Variants in CDH4 observed in about 807,000 individuals in gnomAD.
The protein encoded by CDH4 is cadherin 4, also known as cadherin-4.
CDH4 carries 33 observed loss-of-function variants against 86.0 expected under a neutral mutation model. That is an observed-to-expected ratio of 0.38 (90% confidence interval 0.29 to 0.51). The LOEUF is 0.51. Ranked by LOEUF, CDH4 falls within the 20% of genes least tolerant of loss-of-function variation. The probability of loss-of-function intolerance (pLI) is 0.86; values close to 1 mark genes in which losing one functional copy is unlikely to be tolerated. For synonymous variants in CDH4, 555 were observed against 549.4 expected (o/e 1.01, Z -0.14); for missense variants, 1,114 against 1,307.4 (o/e 0.85, Z 2.28).
At chr20:61,272,379 T>C (rs1193696233) in intron 2 of CDH4, among the ~76,000 whole-genome samples, 1 of 152,244 alleles carries the variant, frequency 6.6e-6, no homozygotes, top group Non-Finnish European at 1.5e-5. Flanking sequence ...TCTGCTCCTC[T>C]CTGCCAGGCA....
chr20:61,536,750 G>A (rs76131322), intron 2 of CDH4, among the ~76,000 whole-genome samples: 6,486 of 152,312 alleles, frequency 0.043, 187 homozygotes, highest in Middle Eastern at 0.065. Context: ...CGGTTGCCCC[G>A]TCTGGGAGCA....
At position 61,939,996 on chromosome 20, in the gene CDH4, C is replaced by T. The variant is rs1021076584; in HGVS notation, c.*3053C>T. On this transcript the variant is annotated 3_prime_UTR_variant, in exon 16 of 16. Transcript: ENST00000614565. ...CAGTTTCCCTAGCATGAGCACCAGC[C>T]GACACACACAGTCCACTGAGATGAT... 2.0e-5 allele frequency: 3 copies of T among 152,208 alleles called. No individual in the cohort carries two copies. The highest frequency in any genetic ancestry group is 1.9e-4 in the East Asian group (1 of 5,198). The allele number at this position is 152,208 out of a possible 1,614,324, so 9.4% of individuals were successfully genotyped here. A position where few individuals can be genotyped will look rare whatever the true frequency, so the allele number is the denominator to read the frequency against.
chr20:61,746,279 C>G (rs1011653881), intron 3 of CDH4, among the ~76,000 whole-genome samples: 11 of 152,250 alleles, frequency 7.2e-5, no homozygotes, highest in African/African-American at 2.4e-4. Flanking sequence ...GGGCACAGCC[C>G]TGAGTCCCTG....
intron 7 of CDH4, among the ~76,000 whole-genome samples, chr20:61,891,543 T>G (rs1397661161): frequency 1.3e-5 from 2 of 152,172 alleles, no homozygotes; most frequent in Admixed American, 6.5e-5. Context: ...TTCCTGCCCT[T>G]CCGAGAGGCC....
intron 2 of CDH4, among the ~76,000 whole-genome samples, chr20:61,460,428 A>C (rs1245604286): frequency 1.3e-5 from 2 of 152,170 alleles, no homozygotes; most frequent in African/African-American, 2.4e-5. Context: ...TCATTGGAGA[A>C]ACTGGGGAGG....
chr20:61,464,678 G>A (rs533401026), intron 2 of CDH4, among the ~76,000 whole-genome samples: 7 of 152,240 alleles, frequency 4.6e-5, no homozygotes, highest in Admixed American at 2.6e-4. Flanking sequence ...TCTGGGATCC[G>A]GTCCTATTAA....
chr20:61,312,047 A>G (rs1327653670), intron 2 of CDH4, among the ~76,000 whole-genome samples: 2 of 151,872 alleles, frequency 1.3e-5, no homozygotes, highest in Non-Finnish European at 2.9e-5. Flanking sequence ...TGTGTGTGAG[A>G]CTGCATGTAT....
intron 2 of CDH4, among the ~76,000 whole-genome samples, chr20:61,449,952 C>G (rs1437431969): frequency 6.6e-6 from 1 of 152,266 alleles, no homozygotes; most frequent in Non-Finnish European, 1.5e-5. Flanking sequence ...CTCACACACA[C>G]TTTGCTTTTG....
chr20:61,668,985 G>A (rs1205041269), intron 2 of CDH4, among the ~76,000 whole-genome samples: 1 of 152,222 alleles, frequency 6.6e-6, no homozygotes, highest in Non-Finnish European at 1.5e-5. Flanking sequence ...CAGTGGGACA[G>A]GTGTTCCAGG....
intron 2 of CDH4, among the ~76,000 whole-genome samples, chr20:61,645,215 T>G (rs1424202318): frequency 2.0e-5 from 3 of 152,230 alleles, no homozygotes; most frequent in African/African-American, 7.2e-5. Context: ...CCCATCTGCC[T>G]TTTGGAACAG....
At position 61,644,351 on chromosome 20, in the gene CDH4, A is replaced by C. The variant is rs574287640; in HGVS notation, c.170-99212A>C. Among the ~76,000 whole-genome samples the C allele has an allele frequency of 2.0e-5, 3 of 152,336 alleles. No homozygotes were observed. The South Asian group carries it at 6.2e-4, about 32-fold the overall frequency. On this transcript the variant is annotated intron_variant, in intron 2 of 15. Transcript: ENST00000614565. ...AGGGTCAGCACCTCCTCACAGATGC[A>C]CAGGGCTGCGCAGAGCCCTTCGAGG... is the stretch of plus-strand genomic sequence containing the variant.
chr20:61,714,535 T>A (rs1174775718), intron 2 of CDH4, among the ~76,000 whole-genome samples: 1 of 152,168 alleles, frequency 6.6e-6, no homozygotes, highest in Non-Finnish European at 1.5e-5. Context: ...ACCCAATAGG[T>A]AGTTTTTAAT....
chr20:61,371,629 C>T (rs147635790), intron 2 of CDH4, among the ~76,000 whole-genome samples: 19 of 152,216 alleles, frequency 1.2e-4, no homozygotes, highest in African/African-American at 4.1e-4. Context: ...GCCTCTGCTG[C>T]GGGCCCCGAG....
rs3048343 is a variant in CDH4 at position 61,252,442 on chromosome 20, TCGG to T, written c.-49_-47del. ...GGCGATCGGAGCGGCGGCGGTGGTCTCGGCGGCGGCGGCGGCGGCGGCGGCAGG... is the reference window on the plus strand; with the variant it reads ...GGCGATCGGAGCGGCGGCGGTGGTCTCGGCGGCGGCGGCGGCGGCGGCAGG... On this transcript the variant is annotated 5_prime_UTR_variant, in exon 1 of 16. Transcript: ENST00000614565. The surrounding 1 kb of genome is among the most constrained non-coding windows in gnomAD (Gnocchi z 4.4). 0.34 allele frequency: 220,044 copies of T among 642,442 alleles called. 40,223 individuals are homozygous for T. The highest frequency in any genetic ancestry group is 0.57 in the African/African-American group (26,882 of 46,784). The allele number at this position is 642,442 out of a possible 1,614,324, so 39.8% of individuals were successfully genotyped here. A position where few individuals can be genotyped will look rare whatever the true frequency, so the allele number is the denominator to read the frequency against.
chr20:61,790,567 T>C (rs1600991050), intron 4 of CDH4, among the ~76,000 whole-genome samples: 1 of 142,810 alleles, frequency 7.0e-6, no homozygotes, highest in African/African-American at 2.6e-5. Context: ...ACCATCCATC[T>C]ATTTATCTGT....
At chr20:61,279,671 T>A (rs1030802510) in intron 2 of CDH4, among the ~76,000 whole-genome samples, 2 of 152,036 alleles carry the variant, frequency 1.3e-5, no homozygotes, top group Non-Finnish European at 2.9e-5. Flanking sequence ...CAGAGGACAT[T>A]GTTTCCCGGG....
intron 2 of CDH4, among the ~76,000 whole-genome samples, chr20:61,512,451 C>G (rs533963258): frequency 6.6e-6 from 1 of 152,268 alleles, no homozygotes; most frequent in Admixed American, 6.5e-5. Flanking sequence ...TGGTCCAAGG[C>G]CTAGAAGAAA....
At chr20:61,514,965 T>TG (rs1036924379) in intron 2 of CDH4, among the ~76,000 whole-genome samples, 1 of 152,002 alleles carries the variant, frequency 6.6e-6, no homozygotes, top group Non-Finnish European at 1.5e-5. Context: ...TGCCTGGCAT[T>TG]GGGGCGGGGG....
At chr20:61,718,606 G>C (rs542898528) in intron 2 of CDH4, 33 of 360,004 alleles carry the variant, frequency 9.2e-5, no homozygotes, top group Middle Eastern at 1.4e-3. Context: ...CGCTGCAGGG[G>C]CTACCCGACT....
Sources: gnomAD v4.1 joint callset for allele counts (sites outside exome capture counted in the v4.1 genomes callset) on GRCh38, gnomAD v4.1.1 for gene constraint, Gnocchi (gnomAD v3.1) non-coding constraint, MANE v1.5 for transcripts, NCBI Gene and HGNC (gene_info 2026-07-23, HGNC 2026-07-21) for gene names.